Variants in GAB3 observed in about 807,000 individuals in gnomAD.
GAB3 encodes the protein GRB2 associated binding protein 3, also known as GRB2-associated-binding protein 3.
In GAB3, 12 loss-of-function variants were observed where a neutral mutation model predicts 40.4. The observed-to-expected ratio is 0.30, with a 90% CI of 0.19 to 0.48. The LOEUF is 0.48. Ranked by LOEUF, GAB3 falls within the 20% of genes least tolerant of loss-of-function variation. The probability of loss-of-function intolerance (pLI) is 0.99; values close to 1 mark genes in which losing one functional copy is unlikely to be tolerated. For missense variants in GAB3, 381 were observed against 461.9 expected, an observed-to-expected ratio of 0.82 and a Z score of 1.61; for synonymous variants, 154 against 176.7, an observed-to-expected ratio of 0.87 and a Z score of 1.02.
Position 154,751,041 on chromosome X carries a change from C to G in GAB3, c.-16G>C. ...CCGCACTCATCGTGGCCGCCGCCGC[C>G]GCTTCCTCCAGCTGGGCCAGCCGCC... On this transcript the variant is annotated 5_prime_UTR_variant, in exon 1 of 10. Coordinates refer to ENST00000424127, the MANE Select transcript of GAB3 (RefSeq NM_001081573.3). 1.3e-6 allele frequency: 1 copy of G among 796,651 alleles called. No homozygotes were observed. Among genetic ancestry groups the G allele is most frequent in the Non-Finnish European group, 1.5e-6 (1 of 664,181 alleles). The allele number at this position is 796,651 out of a possible 1,213,427, so 65.7% of individuals were successfully genotyped here.
At chrX:154,706,415 C>CAAAAA (rs35975601) in intron 4 of GAB3, among the ~76,000 whole-genome samples, 1 of 93,554 alleles carries the variant, frequency 1.1e-5, no homozygotes, top group Non-Finnish European at 2.1e-5. Flanking sequence ...GACTCCATCT[C>CAAAAA]AAAAAAAAAA....
At chrX:154,710,795 A>G (rs1345512221) in intron 4 of GAB3, among the ~76,000 whole-genome samples, 2 of 112,564 alleles carry the variant, frequency 1.8e-5, no homozygotes, top group Non-Finnish European at 3.8e-5. Context: ...CCTTCATGTA[A>G]AAGAACACAA....
chrX:154,744,657 CAGA>C (rs1456052020), intron 1 of GAB3, among the ~76,000 whole-genome samples: 1 of 112,275 alleles, frequency 8.9e-6, no homozygotes, highest in African/African-American at 3.2e-5. Context: ...AGTAAGGATA[CAGA>C]AGAACTGAAT....
intron 4 of GAB3, among the ~76,000 whole-genome samples, chrX:154,708,172 C>T (rs782114741): frequency 9.0e-6 from 1 of 111,445 alleles, no homozygotes; most frequent in Non-Finnish European, 1.9e-5. Flanking sequence ...GATATCCACA[C>T]GCAAAAGAAT....
At chrX:154,711,024 A>T (rs1464701831) in intron 4 of GAB3, among the ~76,000 whole-genome samples, 12 of 112,156 alleles carry the variant, frequency 1.1e-4, no homozygotes, top group African/African-American at 3.9e-4. Context: ...CATCTATTTC[A>T]TAAGGACTGT....
At chrX:154,712,739 G>A (rs1557256612) in intron 3 of GAB3, 38 bp from the exon 4 acceptor site, 3 of 924,031 alleles carry the variant, frequency 3.2e-6, no homozygotes, top group African/African-American at 4.0e-5. Flanking sequence ...CTAAAATGCA[G>A]CCATCCACCC....
intron 1 of GAB3, among the ~76,000 whole-genome samples, chrX:154,734,316 A>G (rs782694660): frequency 1.8e-5 from 2 of 113,247 alleles, no homozygotes; most frequent in Non-Finnish European, 3.7e-5. Context: ...TTAGTAAGTA[A>G]TAGCCAAAGC....
intron 9 of GAB3, 84 bp downstream of exon 9, chrX:154,680,048 G>A (rs1222174859): frequency 6.3e-6 from 4 of 634,068 alleles, no homozygotes; most frequent in Non-Finnish European, 1.0e-5. Context: ...ACTTTCTAAG[G>A]AGAATATGCA....
At chrX:154,744,082 C>T (rs142295494) in intron 1 of GAB3, among the ~76,000 whole-genome samples, 10,674 of 107,977 alleles carry the variant, frequency 0.099, 534 homozygotes, top group South Asian at 0.37. Context: ...GATGTGGTGG[C>T]GCGTGCCTGT....
At chrX:154,690,317 G>C (rs1446741720) in intron 8 of GAB3, among the ~76,000 whole-genome samples, 1 of 112,116 alleles carries the variant, frequency 8.9e-6, no homozygotes, top group Admixed American at 9.4e-5. Context: ...AAAAGCCCTA[G>C]AAGAAAACCT....
chrX:154,708,985 GTT>G (rs2070863439), intron 4 of GAB3, among the ~76,000 whole-genome samples: 1 of 111,706 alleles, frequency 9.0e-6, no homozygotes, highest in Non-Finnish European at 1.9e-5. Flanking sequence ...CAAATCTCAT[GTT>G]GAATTGTAAT....
chrX:154,709,458 C>T (rs868928315), intron 4 of GAB3, among the ~76,000 whole-genome samples: 2 of 108,631 alleles, frequency 1.8e-5, no homozygotes, highest in Non-Finnish European at 1.9e-5. Context: ...GTAGCTGGGA[C>T]CACAGGCACC....
At chrX:154,750,001 G>A (rs901696553) in intron 1 of GAB3, among the ~76,000 whole-genome samples, 29 of 113,102 alleles carry the variant, frequency 2.6e-4, no homozygotes, top group African/African-American at 9.0e-4. Flanking sequence ...GGGGTGGGCT[G>A]CTTTGGATGA....
chrX:154,747,817 T>C (rs1286727548), intron 1 of GAB3, among the ~76,000 whole-genome samples: 2 of 112,316 alleles, frequency 1.8e-5, no homozygotes, highest in African/African-American at 6.5e-5. Flanking sequence ...AAAGAAAAAT[T>C]GTATTGGGGA....
chrX:154,744,109 G>C (rs1263598263), intron 1 of GAB3, among the ~76,000 whole-genome samples: 1 of 106,358 alleles, frequency 9.4e-6, no homozygotes, highest in Non-Finnish European at 1.9e-5. Flanking sequence ...AGCTACTCAG[G>C]AGGCTGAGGC....
intron 1 of GAB3, among the ~76,000 whole-genome samples, chrX:154,717,884 T>C: frequency 8.9e-6 from 1 of 112,069 alleles, no homozygotes. Context: ...CCAGCCTGCA[T>C]GGATAGCGTA....
chrX:154,691,983 C>A (rs4898393), intron 8 of GAB3, among the ~76,000 whole-genome samples: 52,497 of 110,676 alleles, frequency 0.47, 10,865 homozygotes, highest in East Asian at 0.77. Flanking sequence ...ATGACGTTGG[C>A]CTCTAACTTT....
intron 8 of GAB3, among the ~76,000 whole-genome samples, chrX:154,692,792 A>T (rs966328998): frequency 8.9e-6 from 1 of 112,219 alleles, no homozygotes; most frequent in African/African-American, 3.2e-5. Context: ...TGTCTCCAAA[A>T]AAAAAGATAA....
intron 7 of GAB3, 162 bp from the exon 8 acceptor site, chrX:154,696,181 T>C: frequency 3.0e-6 from 1 of 334,519 alleles, no homozygotes; most frequent in Non-Finnish European, 5.3e-6. Flanking sequence ...TGCCCAACAG[T>C]TTCTGCTCCA....
Sources: gnomAD v4.1 joint callset for allele counts (sites outside exome capture counted in the v4.1 genomes callset) on GRCh38, gnomAD v4.1.1 for gene constraint, MANE v1.5 for transcripts, NCBI Gene and HGNC (gene_info 2026-07-23, HGNC 2026-07-21) for gene names.